SLC14A2: variants seen among roughly 807,000 people sequenced by gnomAD.
SLC14A2 encodes urea transporter 2.
In SLC14A2, 91 loss-of-function variants were observed where a neutral mutation model predicts 104.6. The ratio of observed to expected loss-of-function variants is 0.87; its 90% confidence interval spans 0.73 to 1.04. The LOEUF is 1.04. SLC14A2 is among the 50% of genes least tolerant of loss of function. SLC14A2 has a pLI of 0.00. For synonymous variants in SLC14A2, 476 were observed against 466.4 expected (o/e 1.02, Z -0.27); for missense variants, 1,189 against 1,156.0 (o/e 1.03, Z -0.41).
intron 1 of SLC14A2, among the ~76,000 whole-genome samples, chr18:45,314,087 G>A (rs543178497): frequency 8.0e-4 from 122 of 152,330 alleles, no homozygotes; most frequent in African/African-American, 2.6e-3. Context: ...AATATGTGCC[G>A]GAGCACCAGA....
chr18:45,176,070 G>A, the SLC14A2 span, among the ~76,000 whole-genome samples: 1 of 151,964 alleles, frequency 6.6e-6, no homozygotes, highest in Non-Finnish European at 1.5e-5. Flanking sequence ...TGAGCAGACT[G>A]CCAAGGAGGC....
chr18:45,595,509 A>ATGCCTGCGTACC (rs1235924877), intron 2 of SLC14A2, among the ~76,000 whole-genome samples: 1 of 152,064 alleles, frequency 6.6e-6, no homozygotes. Context: ...TTTCCACTTA[A>ATGCCTGCGTACC]CCATTAAGTA....
At chr18:45,365,926 G>T (rs1408333602) in intron 1 of SLC14A2, among the ~76,000 whole-genome samples, 1 of 151,300 alleles carries the variant, frequency 6.6e-6, no homozygotes, top group Admixed American at 6.6e-5. Flanking sequence ...CCAGTTTAGG[G>T]TTGCAGCTGG....
chr18:45,205,514 G>A, the SLC14A2 span, among the ~76,000 whole-genome samples: 1 of 152,120 alleles, frequency 6.6e-6, no homozygotes, highest in Non-Finnish European at 1.5e-5. Context: ...GACCATTGGG[G>A]GTTAAACACA....
intron 1 of SLC14A2, among the ~76,000 whole-genome samples, chr18:45,359,135 G>T (rs147000133): frequency 2.0e-5 from 3 of 152,278 alleles, no homozygotes; most frequent in Middle Eastern, 6.8e-3. Context: ...ATGCCTTAAA[G>T]GTGATGCTGA....
At chr18:45,558,657 AC>A (rs1277059361) in intron 2 of SLC14A2, among the ~76,000 whole-genome samples, 35 of 152,262 alleles carry the variant, frequency 2.3e-4, no homozygotes, top group African/African-American at 8.2e-4. Flanking sequence ...AGGTTGGGTC[AC>A]CTGTTAGTGC....
chr18:45,248,651 T>C (rs915122577), intron 1 of SLC14A2, among the ~76,000 whole-genome samples: 19 of 152,334 alleles, frequency 1.2e-4, no homozygotes, highest in Non-Finnish European at 2.4e-4. Flanking sequence ...CTCCAACCAA[T>C]TGGCATTCAG....
At chr18:45,364,455 T>A (rs995757726) in intron 1 of SLC14A2, among the ~76,000 whole-genome samples, 1 of 152,210 alleles carries the variant, frequency 6.6e-6, no homozygotes, top group African/African-American at 2.4e-5. Context: ...GTTGTTCCTC[T>A]GTAGTATGTA....
intron 1 of SLC14A2, among the ~76,000 whole-genome samples, chr18:45,379,379 C>G (rs530384803): frequency 1.1e-4 from 16 of 152,318 alleles, no homozygotes; most frequent in African/African-American, 3.6e-4. Context: ...ATTTTCTCTT[C>G]TGTGTGTGGC....
intron 1 of SLC14A2, among the ~76,000 whole-genome samples, chr18:45,382,120 T>C (rs1321222157): frequency 6.6e-6 from 1 of 152,196 alleles, no homozygotes; most frequent in African/African-American, 2.4e-5. Context: ...ATGATACTCA[T>C]AGACAAGGGA....
Position 45,542,035 on chromosome 18 carries a change from G to GTTTTTTTTTT in SLC14A2, c.-35+58741_-35+58750dup, listed in dbSNP as rs60977948. Among the ~76,000 whole-genome samples the GTTTTTTTTTT allele has an allele frequency of 9.6e-4, 52 of 54,226 alleles. 10 individuals are homozygous for GTTTTTTTTTT. The highest frequency in any genetic ancestry group is 1.6e-3 in the Non-Finnish European group (42 of 27,016). The allele number at this position is 54,226 out of a possible 152,430, so 35.6% of individuals were successfully genotyped here. The stretch of plus-strand genomic sequence containing the variant: ...GGGCTTGTTAGATGAAAGAGAGAGG[G>GTTTTTTTTTT]TTTTTTTTTTTTTTTTTTTTTTTTT... On this transcript the variant is annotated intron_variant, in intron 2 of 20. Transcript: ENST00000586448.
chr18:45,218,788 G>T (rs960267644), intron 1 of SLC14A2, among the ~76,000 whole-genome samples: 3 of 151,992 alleles, frequency 2.0e-5, no homozygotes, highest in Non-Finnish European at 2.9e-5. Flanking sequence ...TGCCCCGCAC[G>T]AAAGCAGTAT....
intron 2 of SLC14A2, among the ~76,000 whole-genome samples, chr18:45,524,787 G>A (rs543483644): frequency 6.6e-6 from 1 of 152,172 alleles, no homozygotes; most frequent in South Asian, 2.1e-4. Context: ...GGCCTCAGCT[G>A]CTCCATATGA....
chr18:45,202,280 TC>T, the SLC14A2 span, among the ~76,000 whole-genome samples: 1 of 152,122 alleles, frequency 6.6e-6, no homozygotes, highest in Non-Finnish European at 1.5e-5. Context: ...AAAAACAGTT[TC>T]ATTTCCAAAG....
At chr18:45,634,294 A>T (rs898022048) in intron 5 of SLC14A2, among the ~76,000 whole-genome samples, 4 of 152,238 alleles carry the variant, frequency 2.6e-5, no homozygotes, top group Non-Finnish European at 1.5e-5. Flanking sequence ...GATGCTGGGA[A>T]TATTTGTAAA....
intron 2 of SLC14A2, among the ~76,000 whole-genome samples, chr18:45,551,915 A>G (rs1053315451): frequency 2.0e-5 from 3 of 152,184 alleles, no homozygotes; most frequent in Non-Finnish European, 2.9e-5. Context: ...CTCAGCTGAT[A>G]TTGCCATAAG....
At chr18:45,184,538 A>G in the SLC14A2 span, among the ~76,000 whole-genome samples, 2 of 152,242 alleles carry the variant, frequency 1.3e-5, no homozygotes, top group Non-Finnish European at 2.9e-5. Flanking sequence ...CAAGCCCACA[A>G]AATAATTCCA....
intron 8 of SLC14A2, among the ~76,000 whole-genome samples, chr18:45,642,898 G>A (rs2045554660): frequency 6.6e-6 from 1 of 152,258 alleles, no homozygotes; most frequent in Non-Finnish European, 1.5e-5. Context: ...GGAAATATAT[G>A]TTTTAATCTC....
At chr18:45,192,642 T>TTTTGTTTTGTTTTG in the SLC14A2 span, among the ~76,000 whole-genome samples, 10 of 144,930 alleles carry the variant, frequency 6.9e-5, no homozygotes, top group South Asian at 2.2e-4. Flanking sequence ...GTGTGGTTTT[T>TTTTGTTTTGTTTTG]TTTTGTTTTG....
Sources: allele counts gnomAD v4.1 joint callset (sites outside exome capture counted in the v4.1 genomes callset), GRCh38; gene constraint gnomAD v4.1.1; transcripts MANE v1.5; gene names NCBI Gene and HGNC (gene_info 2026-07-23, HGNC 2026-07-21).